The following SOS2 variants were observed in gnomAD, a reference collection of about 807,000 sequenced individuals.
SOS2 encodes the protein SOS Ras/Rho guanine nucleotide exchange factor 2, also known as son of sevenless homolog 2.
SOS2 carries 65 observed loss-of-function variants against 148.2 expected under a neutral mutation model. The observed-to-expected ratio is 0.44, with a 90% CI of 0.36 to 0.54. SOS2 has a LOEUF of 0.54. SOS2 is among the 20% of genes least tolerant of loss of function. SOS2 has a pLI of 0.00. For missense variants in SOS2, 1,341 were observed against 1,590.2 expected (o/e 0.84, Z 2.67); for synonymous variants, 539 against 537.1 (o/e 1.00, Z -0.05).
At chr14:50,201,859 G>A in intron 2 of SOS2, among the ~76,000 whole-genome samples, 1 of 152,168 alleles carries the variant, frequency 6.6e-6, no homozygotes, top group East Asian at 1.9e-4. Context: ...GTATCTCTTG[G>A]AAGATGAAAT....
At chr14:50,199,977 T>C in intron 3 of SOS2, 122 bp from the exon 4 acceptor site, 2 of 597,416 alleles carry the variant, frequency 3.3e-6, no homozygotes, top group Non-Finnish European at 5.8e-6. Context: ...TGTCTAAATG[T>C]ATGGGTACCA....
At chr14:50,191,184 G>C (rs537798563) in intron 4 of SOS2, among the ~76,000 whole-genome samples, 35 of 152,162 alleles carry the variant, frequency 2.3e-4, no homozygotes, top group African/African-American at 8.2e-4. Context: ...AACTCTCAGG[G>C]CGAGGCATGG....
At chr14:50,215,541 C>A in intron 1 of SOS2, 1 of 1,131,302 alleles carries the variant, frequency 8.8e-7, no homozygotes, top group Admixed American at 3.7e-5. Flanking sequence ...CAGTCTTTAA[C>A]AGTAGATTAA....
At chr14:50,121,703 T>C (rs1883519611) in intron 21 of SOS2, among the ~76,000 whole-genome samples, 3 of 151,578 alleles carry the variant, frequency 2.0e-5, no homozygotes, top group Admixed American at 2.0e-4. Flanking sequence ...ATGTCAAAAA[T>C]TGCTATCTCA....
chr14:50,224,425 A>T (rs904451040), intron 1 of SOS2, among the ~76,000 whole-genome samples: 1 of 151,434 alleles, frequency 6.6e-6, no homozygotes, highest in African/African-American at 2.4e-5. Flanking sequence ...ATGAGGAGGA[A>T]TCAAGGGAAG....
At chr14:50,198,556 C>T (rs1886386622) in intron 4 of SOS2, among the ~76,000 whole-genome samples, 2 of 152,180 alleles carry the variant, frequency 1.3e-5, no homozygotes, top group Admixed American at 6.5e-5. Flanking sequence ...AATTAAATCT[C>T]TGGGGGTGAT....
rs768766517 is a variant in SOS2, at chr14:50,172,419, C to CTTTT, written c.1068+2031_1068+2034dup. ...ATGGGTAGTTTCTCTTTATTCATTCCTTTTTTTTTTTTTTCTGAGATGGAG... is the reference window on the plus strand; with the variant it reads ...ATGGGTAGTTTCTCTTTATTCATTCCTTTTTTTTTTTTTTTTTTCTGAGATGGAG... On this transcript the variant is annotated intron_variant, in intron 8 of 22. Transcript: ENST00000216373. 1.9e-3 allele frequency among the ~76,000 whole-genome samples: 160 copies of CTTTT among 82,752 alleles called. 10 individuals are homozygous for CTTTT. The highest frequency in any genetic ancestry group is 0.02 in the Middle Eastern group (2 of 100). The allele number at this position is 82,752 out of a possible 152,430, so 54.3% of individuals were successfully genotyped here.
chr14:50,154,465 C>T (rs1884753591), intron 12 of SOS2, among the ~76,000 whole-genome samples: 1 of 152,152 alleles, frequency 6.6e-6, no homozygotes, highest in South Asian at 2.1e-4. Context: ...CTGACCCAGC[C>T]ACTCCACTCT....
intron 8 of SOS2, among the ~76,000 whole-genome samples, chr14:50,171,836 C>A (rs1418385150): frequency 6.6e-6 from 1 of 151,896 alleles, no homozygotes; most frequent in Admixed American, 6.6e-5. Flanking sequence ...GTGTAAGTTT[C>A]TTTCATTATC....
At chr14:50,148,371 C>T (rs965407873) in intron 14 of SOS2, among the ~76,000 whole-genome samples, 7 of 143,970 alleles carry the variant, frequency 4.9e-5, no homozygotes, top group Non-Finnish European at 1.0e-4. Flanking sequence ...GATTGCACAA[C>T]TGCACTCCAG....
intron 1 of SOS2, among the ~76,000 whole-genome samples, chr14:50,217,418 G>C (rs1887068157): frequency 6.6e-6 from 1 of 152,058 alleles, no homozygotes; most frequent in Admixed American, 6.5e-5. Context: ...TCTAGAACAG[G>C]CTAGGTATGG....
chr14:50,139,986 A>T lies in SOS2; in HGVS notation c.2741T>A (p.Leu914Gln), dbSNP rs376313150. The T allele has an allele frequency of 7.5e-6, 12 of 1,607,320 alleles. No homozygotes were observed. The highest frequency in any genetic ancestry group is 3.3e-5 in the Admixed American group (2 of 59,802). ...ELSQDHFKKY[L>Q]VKLKSINPPC... ...TGGATTGATTGACTTAAGTTTTACTAGGTATTTTTTAAAGTGATCTTGACT... is the reference window on the plus strand; with the variant it reads ...TGGATTGATTGACTTAAGTTTTACTTGGTATTTTTTAAAGTGATCTTGACT... Residue 914 changes from leucine (L) to glutamine (Q), a missense_variant, in exon 17 of 23, where the codon CTA becomes CAA. Physicochemically the swap from Leu to Gln is moderately radical, Grantham distance 113. This residue lies in a region of SOS2 where 408 missense variants were observed against 506.6 expected (regional missense o/e 0.81). Coordinates refer to ENST00000216373, the MANE Select transcript of SOS2 (RefSeq NM_006939.4).
intron 14 of SOS2, among the ~76,000 whole-genome samples, chr14:50,149,142 C>T (rs1884584181): frequency 6.6e-6 from 1 of 152,140 alleles, no homozygotes; most frequent in Non-Finnish European, 1.5e-5. Context: ...AGCGATCTGC[C>T]CACCTTGGCC....
At chr14:50,129,574 A>G (rs530679407) in intron 21 of SOS2, among the ~76,000 whole-genome samples, 5 of 152,158 alleles carry the variant, frequency 3.3e-5, no homozygotes, top group Non-Finnish European at 7.4e-5. Context: ...TTTAGTAGAG[A>G]CAGAGTTTCA....
intron 8 of SOS2, among the ~76,000 whole-genome samples, chr14:50,170,058 C>T (rs1053649362): frequency 1.3e-5 from 2 of 151,466 alleles, no homozygotes; most frequent in East Asian, 1.9e-4. Flanking sequence ...CCCTAGTAGC[C>T]GGGACCACAG....
chr14:50,118,175 G>T lies in SOS2; in HGVS notation c.*169C>A. On this transcript the variant is annotated 3_prime_UTR_variant, in exon 23 of 23. Transcript: ENST00000216373. ...TGATCACCTGAGGATAATGGTGAAG[G>T]ACTTTTGTATTTTTATTTTTCCAAT... 1.6e-6 allele frequency: 1 copy of T among 633,136 alleles called. No homozygotes were observed. The highest frequency in any genetic ancestry group is 2.2e-5 in the South Asian group (1 of 46,392). 39.2% of individuals were successfully genotyped at this position (633,136 alleles called of 1,614,324 possible).
chr14:50,192,758 G>A (rs1441962669), intron 4 of SOS2, among the ~76,000 whole-genome samples: 1 of 152,094 alleles, frequency 6.6e-6, no homozygotes, highest in Non-Finnish European at 1.5e-5. Flanking sequence ...CAGCTACTCA[G>A]AAGGCTGAGG....
intron 5 of SOS2, 120 bp from the exon 6 acceptor site, chr14:50,182,726 A>T: frequency 1.4e-6 from 1 of 712,110 alleles, no homozygotes; most frequent in East Asian, 2.7e-5. Context: ...GCCCTGCTCC[A>T]CAAGAAACAG....
chr14:50,178,711 T>TATAC (rs1237281191), intron 7 of SOS2, among the ~76,000 whole-genome samples: 46 of 120,384 alleles, frequency 3.8e-4, no homozygotes, highest in South Asian at 1.1e-3. Flanking sequence ...TATATATATA[T>TATAC]ACACACATAT....
Sources: allele counts gnomAD v4.1 joint callset (sites outside exome capture counted in the v4.1 genomes callset), GRCh38; gene constraint gnomAD v4.1.1; regional missense constraint gnomAD v4.1.1; transcripts MANE v1.5; gene names NCBI Gene and HGNC (gene_info 2026-07-23, HGNC 2026-07-21).